The following HERC3 variants were observed in gnomAD, a reference collection of about 807,000 sequenced individuals.
The protein encoded by HERC3 is probable E3 ubiquitin-protein ligase HERC3.
A neutral mutation model predicts 129.9 loss-of-function variants in HERC3; 58 were observed. The observed-to-expected ratio is 0.45, with a 90% CI of 0.36 to 0.56. The LOEUF is 0.56. Among genes scored for constraint, HERC3 ranks in the 20% least tolerant of loss-of-function variants. HERC3 has a pLI of 0.00. For missense variants in HERC3, 835 were observed against 1,244.2 expected (o/e 0.67, Z 4.95); for synonymous variants, 430 against 451.0 (o/e 0.95, Z 0.59).
chr4:88,624,905 G>A (rs371084628), intron 3 of HERC3, among the ~76,000 whole-genome samples: 10 of 151,934 alleles, frequency 6.6e-5, no homozygotes, highest in Admixed American at 1.3e-4. Flanking sequence ...GTCAAGGTTC[G>A]TTTTTTTGCA....
chr4:88,705,971 T>G (rs747125471), intron 25 of HERC3, among the ~76,000 whole-genome samples: 7 of 152,144 alleles, frequency 4.6e-5, no homozygotes, highest in Non-Finnish European at 8.8e-5. Context: ...AATGACAGGT[T>G]AAGGTTTGCC....
At chr4:88,538,362 C>CA in the HERC3 span, among the ~76,000 whole-genome samples, 1 of 152,144 alleles carries the variant, frequency 6.6e-6, no homozygotes, top group African/African-American at 2.4e-5. Context: ...CCTGCTATAA[C>CA]AAAGTACCAC....
intron 3 of HERC3, among the ~76,000 whole-genome samples, chr4:88,629,838 A>G (rs1475593126): frequency 6.6e-6 from 1 of 152,202 alleles, no homozygotes; most frequent in Admixed American, 6.5e-5. Flanking sequence ...GATTTTTTAC[A>G]TAGCCTCTTT....
the HERC3 span, among the ~76,000 whole-genome samples, chr4:88,535,773 C>T: frequency 1.3e-5 from 2 of 152,298 alleles, no homozygotes; most frequent in African/African-American, 4.8e-5. Flanking sequence ...TCTCAAAGGC[C>T]CCACCTCCAA....
At chr4:88,580,820 T>C in the HERC3 span, among the ~76,000 whole-genome samples, 2 of 152,178 alleles carry the variant, frequency 1.3e-5, no homozygotes, top group African/African-American at 4.8e-5. Context: ...ATCAGATTCT[T>C]TTATTGAAAG....
the HERC3 span, among the ~76,000 whole-genome samples, chr4:88,565,188 G>A: frequency 6.6e-6 from 1 of 151,974 alleles, no homozygotes; most frequent in African/African-American, 2.4e-5. Context: ...TCCATGTGCT[G>A]AGTAGAAAAA....
At position 88,637,456 on chromosome 4, in the gene HERC3, A is replaced by G. The variant is rs914698820; in HGVS notation, c.227-12384A>G. On this transcript the variant is annotated intron_variant, in intron 3 of 25. Transcript: ENST00000402738. ...AAACAAACAAACAAAAAGCCACACA[A>G]CTACCTGGAAATTGAACAACCTGCT... Among the ~76,000 whole-genome samples, 16 of 152,130 alleles carry G rather than the reference A, an allele frequency of 1.1e-4. 1 individual carries two copies. The highest frequency in any genetic ancestry group is 3.6e-4 in the African/African-American group (15 of 41,422).
intron 3 of HERC3, among the ~76,000 whole-genome samples, chr4:88,607,744 C>T (rs1311367535): frequency 6.6e-6 from 1 of 152,228 alleles, no homozygotes; most frequent in Non-Finnish European, 1.5e-5. Context: ...GCTGGCATTA[C>T]AGGTGCGAAC....
At chr4:88,675,342 T>C (rs1026735110) in intron 16 of HERC3, among the ~76,000 whole-genome samples, 1 of 152,216 alleles carries the variant, frequency 6.6e-6, no homozygotes, top group Non-Finnish European at 1.5e-5. Context: ...AATAATAACA[T>C]GATGCCAATG....
intron 21 of HERC3, among the ~76,000 whole-genome samples, chr4:88,684,550 G>T (rs184142029): frequency 8.5e-5 from 13 of 152,218 alleles, no homozygotes; most frequent in African/African-American, 3.1e-4. Context: ...TACCATTCAG[G>T]ACATAGGCAT....
chr4:88,542,342 G>A, the HERC3 span, among the ~76,000 whole-genome samples: 28 of 152,128 alleles, frequency 1.8e-4, no homozygotes, highest in African/African-American at 6.5e-4. Context: ...GAAAATCTAC[G>A]AGAAATGGAT....
chr4:88,540,152 G>C, the HERC3 span, among the ~76,000 whole-genome samples: 1 of 152,188 alleles, frequency 6.6e-6, no homozygotes, highest in Non-Finnish European at 1.5e-5. Flanking sequence ...TGAGCTAAAA[G>C]AGCATGTTCT....
At chr4:88,659,475 T>G (rs1730263380) in intron 10 of HERC3, among the ~76,000 whole-genome samples, 1 of 152,264 alleles carries the variant, frequency 6.6e-6, no homozygotes, top group South Asian at 2.1e-4. Flanking sequence ...CCCGAGGCTG[T>G]AGGCTGGACA....
chr4:88,529,024 AT>A, the HERC3 span, among the ~76,000 whole-genome samples: 1 of 152,216 alleles, frequency 6.6e-6, no homozygotes, highest in South Asian at 2.1e-4. Flanking sequence ...AATGTCCACT[AT>A]GTGGCAGGCA....
At chr4:88,676,444 T>C (rs1426038330) in intron 18 of HERC3, 21 bp downstream of exon 18, 1 of 1,504,322 alleles carries the variant, frequency 6.6e-7, no homozygotes, top group Non-Finnish European at 9.2e-7. Context: ...TTAGAAATTA[T>C]TTCTTCTTTT....
At chr4:88,697,686 T>C (rs710834) in intron 23 of HERC3, 648,596 of 1,611,472 alleles carry the variant, frequency 0.4, 137,356 homozygotes, top group African/African-American at 0.66. Flanking sequence ...TTACCTCCTC[T>C]GCCGCTGCCT....
intron 3 of HERC3, among the ~76,000 whole-genome samples, chr4:88,624,383 C>G (rs1325203050): frequency 1.3e-5 from 2 of 152,186 alleles, no homozygotes; most frequent in Non-Finnish European, 2.9e-5. Flanking sequence ...GCATCACTTG[C>G]TATTGTCAGT....
At chr4:88,547,548 C>T in the HERC3 span, among the ~76,000 whole-genome samples, 2 of 152,204 alleles carry the variant, frequency 1.3e-5, no homozygotes, top group East Asian at 1.9e-4. Context: ...TAGGCAACCA[C>T]GAATCTACTT....
chr4:88,542,769 A>C, the HERC3 span, among the ~76,000 whole-genome samples: 1 of 152,234 alleles, frequency 6.6e-6, no homozygotes, highest in Non-Finnish European at 1.5e-5. Context: ...CCTGGGATGC[A>C]AGGCTGGTTC....
Sources: allele counts gnomAD v4.1 joint callset (sites outside exome capture counted in the v4.1 genomes callset), GRCh38; gene constraint gnomAD v4.1.1; transcripts MANE v1.5; gene names NCBI Gene and HGNC (gene_info 2026-07-23, HGNC 2026-07-21).